GALNTL6: variants seen among roughly 807,000 people sequenced by gnomAD.
The protein encoded by GALNTL6 is polypeptide N-acetylgalactosaminyltransferase like 6.
GALNTL6 carries 46 observed loss-of-function variants against 73.7 expected under a neutral mutation model. The observed-to-expected ratio is 0.62, with a 90% CI of 0.49 to 0.80. The LOEUF (loss-of-function observed/expected upper bound fraction) is 0.80, where lower values mean the gene tolerates loss of function less well. GALNTL6 is among the 30% of genes least tolerant of loss of function. GALNTL6 has a pLI of 0.00. For missense variants in GALNTL6, 604 were observed against 755.0 expected (o/e 0.80, Z 2.34); for synonymous variants, 259 against 263.7 (o/e 0.98, Z 0.17).
chr4:171,883,008 T>C (rs962269171), intron 2 of GALNTL6, among the ~76,000 whole-genome samples: 1 of 152,188 alleles, frequency 6.6e-6, no homozygotes, highest in Admixed American at 6.5e-5. Context: ...TAGAGGCTGA[T>C]TTAACTCCAG....
chr4:171,861,062 C>T (rs1032338331), intron 2 of GALNTL6, among the ~76,000 whole-genome samples: 5 of 152,196 alleles, frequency 3.3e-5, no homozygotes, highest in African/African-American at 1.2e-4. Flanking sequence ...ACCAACATAT[C>T]TCCTGTCCAA....
intron 2 of GALNTL6, among the ~76,000 whole-genome samples, chr4:171,953,564 C>T (rs1738951853): frequency 6.6e-6 from 1 of 152,136 alleles, no homozygotes; most frequent in South Asian, 2.1e-4. Context: ...ATTAAAACTC[C>T]TTAAAGAAAA....
At chr4:172,241,164 G>A (rs923438989) in intron 3 of GALNTL6, among the ~76,000 whole-genome samples, 3 of 152,190 alleles carry the variant, frequency 2.0e-5, no homozygotes, top group African/African-American at 7.2e-5. Flanking sequence ...GTGCTTAAGT[G>A]TAATGGCCAG....
At chr4:172,584,772 G>A (rs1271620895) in intron 5 of GALNTL6, among the ~76,000 whole-genome samples, 1 of 152,210 alleles carries the variant, frequency 6.6e-6, no homozygotes, top group Non-Finnish European at 1.5e-5. Context: ...TGTGGTGGTA[G>A]TGAGAGGGTA....
intron 12 of GALNTL6, among the ~76,000 whole-genome samples, chr4:173,031,831 G>A (rs2126534876): frequency 6.6e-6 from 1 of 152,272 alleles, no homozygotes; most frequent in East Asian, 1.9e-4. Flanking sequence ...AGGGGAAGCG[G>A]ACAAATACTA....
chr4:172,177,791 A>ATATATATACATACACATATATGTGTGTG (rs1735074844), intron 2 of GALNTL6, among the ~76,000 whole-genome samples: 1 of 101,736 alleles, frequency 9.8e-6, no homozygotes, highest in African/African-American at 3.3e-5. Flanking sequence ...ACACATGTGT[A>ATATATATACATACACATATATGTGTGTG]TATATATACA....
chr4:172,774,519 G>A (rs1273194083), intron 5 of GALNTL6, among the ~76,000 whole-genome samples: 1 of 152,210 alleles, frequency 6.6e-6, no homozygotes, highest in African/African-American at 2.4e-5. Flanking sequence ...TATGAAGGGA[G>A]CACACAGCTG....
chr4:172,413,111 T>C (rs1744506056), intron 5 of GALNTL6, among the ~76,000 whole-genome samples: 1 of 152,192 alleles, frequency 6.6e-6, no homozygotes, highest in African/African-American at 2.4e-5. Flanking sequence ...TAACTATTCA[T>C]AGCCGAGTCA....
At position 172,644,022 on chromosome 4, in the gene GALNTL6, G is replaced by C. The variant is rs571612590; in HGVS notation, c.554-165339G>C. On this transcript the variant is annotated intron_variant, in intron 5 of 12. Coordinates refer to ENST00000506823, the MANE Select transcript of GALNTL6 (RefSeq NM_001034845.3). ...ATATTCCTACCTTCAATATATGACA[G>C]TTTCAGTTGTTTCTTGCCTTCTTCA... Among the ~76,000 whole-genome samples, 281 of 151,846 alleles carry C rather than the reference G, an allele frequency of 1.9e-3. 1 individual carries two copies. The highest frequency in any genetic ancestry group is 3.4e-3 in the Non-Finnish European group (234 of 67,836).
At chr4:172,547,863 G>A (rs2110891835) in intron 5 of GALNTL6, among the ~76,000 whole-genome samples, 1 of 152,262 alleles carries the variant, frequency 6.6e-6, no homozygotes, top group African/African-American at 2.4e-5. Flanking sequence ...CTTCCCAGAA[G>A]CTAATCTGTC....
At chr4:171,923,786 C>CTGTGTGTGTG (rs563244976) in intron 2 of GALNTL6, among the ~76,000 whole-genome samples, 11,010 of 133,100 alleles carry the variant, frequency 0.083, 539 homozygotes, top group East Asian at 0.11. Flanking sequence ...AAAAGTATTG[C>CTGTGTGTGTG]TGTGTGTGTG....
In GALNTL6 at chr4:172,134,445, T is replaced by G. The variant is rs188873861; in HGVS notation, c.139-95211T>G. Among the ~76,000 whole-genome samples, 553 of 151,708 alleles carry G rather than the reference T, an allele frequency of 3.6e-3. 5 individuals carry two copies. Among genetic ancestry groups the G allele is most frequent in the African/African-American group, 0.012 (503 of 41,416 alleles). ...TGAACTGGATTAGGAAAACATGGTT[T>G]ATTCATCTTAATGACCTACTGGATA... On this transcript the variant is annotated intron_variant, in intron 2 of 12. Transcript: ENST00000506823.
At chr4:172,491,776 T>C (rs2047341) in intron 5 of GALNTL6, among the ~76,000 whole-genome samples, 64,559 of 152,140 alleles carry the variant, frequency 0.42, 16,600 homozygotes, top group South Asian at 0.67. Flanking sequence ...ATCTTCAGAT[T>C]GTTAAGGAAA....
chr4:172,944,296 T>A (rs1311402829), intron 9 of GALNTL6, among the ~76,000 whole-genome samples: 1 of 152,178 alleles, frequency 6.6e-6, no homozygotes, highest in Non-Finnish European at 1.5e-5. Context: ...GCCCAATTTT[T>A]AAAATGGGTA....
At chr4:172,338,498 A>G (rs1422357950) in intron 4 of GALNTL6, among the ~76,000 whole-genome samples, 1 of 151,770 alleles carries the variant, frequency 6.6e-6, no homozygotes. Flanking sequence ...GGGGGGTATG[A>G]CTGTAGAGAA....
At chr4:172,495,156 A>G (rs997206608) in intron 5 of GALNTL6, among the ~76,000 whole-genome samples, 7 of 152,220 alleles carry the variant, frequency 4.6e-5, no homozygotes, top group African/African-American at 1.7e-4. Context: ...CAAATTAAGC[A>G]TGCTCACATG....
At chr4:172,963,522 G>A (rs544039243) in intron 10 of GALNTL6, among the ~76,000 whole-genome samples, 1 of 152,322 alleles carries the variant, frequency 6.6e-6, no homozygotes, top group East Asian at 1.9e-4. Flanking sequence ...TTCGCAGAAA[G>A]ACATAGTGTC....
At chr4:172,895,986 C>T (rs1384309042) in intron 8 of GALNTL6, among the ~76,000 whole-genome samples, 1 of 152,168 alleles carries the variant, frequency 6.6e-6, no homozygotes, top group Non-Finnish European at 1.5e-5. Flanking sequence ...ATTTCAATCT[C>T]TCCGTTAAAT....
chr4:172,733,250 T>C (rs1336803319), intron 5 of GALNTL6, among the ~76,000 whole-genome samples: 2 of 152,242 alleles, frequency 1.3e-5, no homozygotes, highest in African/African-American at 4.8e-5. Flanking sequence ...TATTGTTCTA[T>C]TCCCCTTGAG....
Sources: allele counts gnomAD v4.1 joint callset (sites outside exome capture counted in the v4.1 genomes callset), GRCh38; gene constraint gnomAD v4.1.1; transcripts MANE v1.5; gene names NCBI Gene and HGNC (gene_info 2026-07-23, HGNC 2026-07-21).